The following NDUFV2 variants were observed in gnomAD, a reference collection of about 807,000 sequenced individuals.
NDUFV2 encodes NADH:ubiquinone oxidoreductase core subunit V2.
In NDUFV2, 18 loss-of-function variants were observed where a neutral mutation model predicts 31.6. That is an observed-to-expected ratio of 0.57 (90% CI 0.39 to 0.84). The LOEUF is 0.84. Among genes scored for constraint, NDUFV2 ranks in the 40% least tolerant of loss-of-function variants. NDUFV2 has a pLI of 0.00. For missense variants in NDUFV2, 314 were observed against 303.6 expected, an observed-to-expected ratio of 1.03 and a Z score of -0.26; for synonymous variants, 83 against 99.8, an observed-to-expected ratio of 0.83 and a Z score of 1.01.
intron 1 of NDUFV2, 49 bp from the exon 2 acceptor site, chr18:9,117,789 T>A (rs768340624): frequency 1.4e-5 from 15 of 1,088,538 alleles, no homozygotes; most frequent in Admixed American, 1.1e-4. Context: ...TTATGAAAAA[T>A]TTTTTAAGGC....
At chr18:9,120,434 G>C (rs952885402) in intron 4 of NDUFV2, among the ~76,000 whole-genome samples, 6 of 152,164 alleles carry the variant, frequency 3.9e-5, no homozygotes, top group African/African-American at 1.4e-4. Context: ...GGTAGTGCTA[G>C]GACTGAATTC....
intron 1 of NDUFV2, chr18:9,115,660 C>T (rs1337825712): frequency 6.6e-6 from 1 of 152,124 alleles, no homozygotes; most frequent in East Asian, 1.9e-4. Flanking sequence ...AGTTCAAGAC[C>T]AGCCTGACCA....
intron 1 of NDUFV2, among the ~76,000 whole-genome samples, chr18:9,114,620 A>G (rs1162770797): frequency 1.3e-5 from 2 of 152,172 alleles, no homozygotes; most frequent in East Asian, 3.8e-4. Context: ...TTAAAAAAAA[A>G]TTAAGTGAGT....
intron 7 of NDUFV2, among the ~76,000 whole-genome samples, chr18:9,130,565 T>C (rs969764760): frequency 1.3e-5 from 2 of 152,236 alleles, no homozygotes; most frequent in African/African-American, 4.8e-5. Flanking sequence ...TGTCAGCATA[T>C]GAAAACAAGA....
intron 1 of NDUFV2, among the ~76,000 whole-genome samples, chr18:9,116,723 G>A (rs2077900074): frequency 6.6e-6 from 1 of 152,214 alleles, no homozygotes; most frequent in Non-Finnish European, 1.5e-5. Context: ...CTAGGGTAAA[G>A]TTAAATATAC....
intron 1 of NDUFV2, chr18:9,104,349 AG>A (rs2077830669): frequency 6.6e-7 from 1 of 1,509,010 alleles, no homozygotes; most frequent in African/African-American, 1.4e-5. Flanking sequence ...TTTAAAGTAG[AG>A]GAATAAGATG....
At chr18:9,123,873 T>C (rs2077962530) in intron 5 of NDUFV2, among the ~76,000 whole-genome samples, 2 of 152,236 alleles carry the variant, frequency 1.3e-5, no homozygotes, top group Admixed American at 1.3e-4. Flanking sequence ...CTGAGATAGT[T>C]TACAAGAAGT....
Position 9,104,078 on chromosome 18 carries a change from G to C in NDUFV2, c.54+1281G>C, listed in dbSNP as rs2077828778. On this transcript the variant is annotated intron_variant, in intron 1 of 7. Transcript: ENST00000318388. ...GAGATGAATAGGGTCATCCAATGTG[G>C]TTTCAAGGTGCATAAGATTTTTCCT... 16 of 1,508,734 alleles carry C rather than the reference G, an allele frequency of 1.1e-5. No homozygotes were observed. In the South Asian group the frequency reaches 1.9e-4, roughly 18 times the overall value. 93.5% of individuals were successfully genotyped at this position (1,508,734 alleles called of 1,614,324 possible). A position where few individuals can be genotyped will look rare whatever the true frequency, so the allele number is the denominator to read the frequency against.
rs1033940286 is a variant in NDUFV2, at chr18:9,113,455, T to G, written c.55-4383T>G. Among the ~76,000 whole-genome samples the G allele has an allele frequency of 2.0e-5, 3 of 152,192 alleles. No homozygotes were observed. The South Asian group carries it at 6.2e-4, about 32-fold the overall frequency. On this transcript the variant is annotated intron_variant, in intron 1 of 7. Coordinates refer to ENST00000318388, the MANE Select transcript of NDUFV2 (RefSeq NM_021074.5). ...AGTTAACCTGCCTCAGTTTCATGGA[T>G]GCTGGCAGGAGGCAGCATCCTGGGT...
At position 9,119,374 on chromosome 18, in the gene NDUFV2, C is replaced by T. The variant is rs981230307; in HGVS notation, c.169C>T (p.Pro57Ser). 3 of 1,611,936 alleles carry T rather than the reference C, an allele frequency of 1.9e-6. No individual in the cohort carries two copies. The highest frequency in any genetic ancestry group is 2.7e-5 in the African/African-American group (2 of 74,814). The change falls in exon 3 of 8, where the codon CCA becomes TCA. Residue 57 changes from proline (P) to serine (S), a missense_variant. Transcript: ENST00000318388. ...CCCTGATACTCCATTTGATTTCACA[C>T]CAGAAAACTATAAGGTATGGCTAAA... ...NNPDTPFDFT[P>S]ENYKRIEAIV...
intron 7 of NDUFV2, chr18:9,132,219 T>G (rs148035724): frequency 6.3e-4 from 96 of 152,306 alleles, no homozygotes; most frequent in African/African-American, 2.0e-3. Context: ...CAGGAAGTAC[T>G]TACGATTAAT....
intron 2 of NDUFV2, among the ~76,000 whole-genome samples, chr18:9,118,832 T>G (rs1372682042): frequency 6.7e-6 from 1 of 149,448 alleles, no homozygotes; most frequent in African/African-American, 2.4e-5. Context: ...TTTTTTTTTT[T>G]TTTTTTTTAA....
intron 7 of NDUFV2, chr18:9,133,321 G>C (rs1422967687): frequency 6.6e-6 from 1 of 152,338 alleles, no homozygotes; most frequent in Non-Finnish European, 1.5e-5. Context: ...AGTGGTGGAG[G>C]GGTGACATAC....
chr18:9,112,166 G>A (rs2077874650), intron 1 of NDUFV2, among the ~76,000 whole-genome samples: 1 of 151,764 alleles, frequency 6.6e-6, no homozygotes, highest in African/African-American at 2.4e-5. Flanking sequence ...CTACAGGTGT[G>A]CGCCACCACA....
At chr18:9,106,086 G>A (rs1174135169) in intron 1 of NDUFV2, among the ~76,000 whole-genome samples, 1 of 152,112 alleles carries the variant, frequency 6.6e-6, no homozygotes, top group East Asian at 1.9e-4. Flanking sequence ...TATTGGTTCC[G>A]TTCTTTTAGC....
chr18:9,131,624 TA>T (rs1195319177), intron 7 of NDUFV2, among the ~76,000 whole-genome samples: 1 of 152,180 alleles, frequency 6.6e-6, no homozygotes, highest in East Asian at 1.9e-4. Flanking sequence ...TCAGCAATAG[TA>T]AAAAGCACTA....
Position 9,124,864 on chromosome 18 carries a change from G to A in NDUFV2, c.470-10G>A. ...AACCTGGTCCTTAGAGTGTTTATTT[G>A]TATTTTTAGGAATAAAGGTTGGGGA... is the stretch of plus-strand genomic sequence containing the variant. On this transcript the variant is annotated splice_polypyrimidine_tract_variant and intron_variant, in intron 5 of 7. Transcript: ENST00000318388. 6.3e-7 allele frequency: 1 copy of A among 1,599,564 alleles called. No homozygotes were observed. The highest frequency in any genetic ancestry group is 1.1e-5 in the South Asian group (1 of 90,632).
chr18:9,131,454 A>G (rs1430868060), intron 7 of NDUFV2, among the ~76,000 whole-genome samples: 1 of 152,206 alleles, frequency 6.6e-6, no homozygotes. Context: ...ATAGGTAGAA[A>G]TTTTTTAGTA....
chr18:9,133,202 C>G (rs1430154373), intron 7 of NDUFV2, among the ~76,000 whole-genome samples: 2 of 152,162 alleles, frequency 1.3e-5, no homozygotes, highest in African/African-American at 2.4e-5. Context: ...GGATTGATGA[C>G]ACAATGTGAA....
Sources: gnomAD v4.1 joint callset for allele counts (sites outside exome capture counted in the v4.1 genomes callset) on GRCh38, gnomAD v4.1.1 for gene constraint, MANE v1.5 for transcripts, NCBI Gene and HGNC (gene_info 2026-07-23, HGNC 2026-07-21) for gene names.